Variants in ANKS1B observed in about 807,000 individuals in gnomAD.
ANKS1B encodes ankyrin repeat and sterile alpha motif domain-containing protein 1B.
Under a neutral mutation model 148.3 loss-of-function variants are expected in ANKS1B, and 36 were observed. The observed-to-expected ratio is 0.24, with a 90% confidence interval of 0.19 to 0.32. The LOEUF is 0.32. Ranked by LOEUF, ANKS1B falls within the 10% of genes least tolerant of loss-of-function variation. ANKS1B has a pLI of 1.00. For synonymous variants in ANKS1B, 542 were observed against 560.8 expected, an observed-to-expected ratio of 0.97 and a Z score of 0.47; for missense variants, 1,157 against 1,542.6, an observed-to-expected ratio of 0.75 and a Z score of 4.19.
At chr12:99,121,095 T>C (rs928020519) in intron 15 of ANKS1B, among the ~76,000 whole-genome samples, 1 of 136,846 alleles carries the variant, frequency 7.3e-6, no homozygotes, top group Non-Finnish European at 1.6e-5. Flanking sequence ...AAATTTAGAC[T>C]TTTTTTTTTT....
At chr12:99,438,331 T>C (rs1174937504) in intron 11 of ANKS1B, among the ~76,000 whole-genome samples, 1 of 151,894 alleles carries the variant, frequency 6.6e-6, no homozygotes, top group Non-Finnish European at 1.5e-5. Flanking sequence ...GTACTATCTC[T>C]CTTCATCATT....
chr12:99,080,674 T>G (rs2153614055), intron 16 of ANKS1B, among the ~76,000 whole-genome samples: 1 of 152,318 alleles, frequency 6.6e-6, no homozygotes, highest in Non-Finnish European at 1.5e-5. Flanking sequence ...CAGAAGCGTT[T>G]ATGCCCTTTT....
At chr12:98,944,355 C>A (rs1161570863) in intron 17 of ANKS1B, among the ~76,000 whole-genome samples, 2 of 151,220 alleles carry the variant, frequency 1.3e-5, no homozygotes, top group Non-Finnish European at 2.9e-5. Flanking sequence ...GACACGCTGG[C>A]TCCTTTTCAC....
At chr12:99,100,793 G>T (rs2057727028) in intron 15 of ANKS1B, among the ~76,000 whole-genome samples, 1 of 152,224 alleles carries the variant, frequency 6.6e-6, no homozygotes, top group African/African-American at 2.4e-5. Context: ...GACTCCTAAA[G>T]TGCTGGGATT....
chr12:99,648,845 A>T, intron 9 of ANKS1B: 2 of 1,537,244 alleles, frequency 1.3e-6, no homozygotes, highest in South Asian at 2.5e-5. Flanking sequence ...GAGCAGGTAC[A>T]GGTCCTGTAA....
intron 11 of ANKS1B, among the ~76,000 whole-genome samples, chr12:99,441,846 A>ATGTG (rs2095555474): frequency 6.6e-6 from 1 of 151,970 alleles, no homozygotes; most frequent in Non-Finnish European, 1.5e-5. Context: ...ACCTAAACTC[A>ATGTG]ATTAGAATAT....
chr12:99,710,240 A>G (rs1015792575), intron 8 of ANKS1B, among the ~76,000 whole-genome samples: 4 of 152,208 alleles, frequency 2.6e-5, no homozygotes, highest in Admixed American at 2.6e-4. Context: ...TCTTGACTTT[A>G]AACCATTAAT....
At chr12:99,430,500 A>C (rs1277434144) in intron 11 of ANKS1B, among the ~76,000 whole-genome samples, 2 of 152,214 alleles carry the variant, frequency 1.3e-5, no homozygotes, top group Non-Finnish European at 2.9e-5. Context: ...GACCAAATGA[A>C]ATACAAGTTA....
intron 9 of ANKS1B, among the ~76,000 whole-genome samples, chr12:99,547,011 C>T (rs1219442781): frequency 6.6e-6 from 1 of 152,090 alleles, no homozygotes; most frequent in Non-Finnish European, 1.5e-5. Flanking sequence ...GAGATCCCTA[C>T]AGCAGTGGGA....
At chr12:99,638,578 A>G (rs1238351909) in intron 9 of ANKS1B, among the ~76,000 whole-genome samples, 1 of 152,166 alleles carries the variant, frequency 6.6e-6, no homozygotes, top group Non-Finnish European at 1.5e-5. Flanking sequence ...TTCAAGAGGA[A>G]AGAGAGCATA....
chr12:99,176,935 AT>A (rs1383255893), intron 14 of ANKS1B, among the ~76,000 whole-genome samples: 2 of 152,114 alleles, frequency 1.3e-5, no homozygotes, highest in African/African-American at 4.8e-5. Context: ...ATAGTCTCAG[AT>A]GTTTCTTTAT....
chr12:99,335,575 C>T (rs1464628707), intron 12 of ANKS1B, among the ~76,000 whole-genome samples: 2 of 151,974 alleles, frequency 1.3e-5, no homozygotes, highest in African/African-American at 4.8e-5. Context: ...TTTTAGCTCC[C>T]ATAAATAAAT....
chr12:99,469,106 A>T (rs974926771), intron 10 of ANKS1B, among the ~76,000 whole-genome samples: 9 of 152,230 alleles, frequency 5.9e-5, no homozygotes, highest in African/African-American at 2.2e-4. Context: ...AATACTATGC[A>T]GACATAAAAA....
At chr12:99,524,253 T>C (rs1429594420) in intron 9 of ANKS1B, among the ~76,000 whole-genome samples, 1 of 152,114 alleles carries the variant, frequency 6.6e-6, no homozygotes, top group Non-Finnish European at 1.5e-5. Context: ...GAAGATACTT[T>C]AGGTGGGAGC....
chr12:99,910,105 G>A (rs2093946853), intron 1 of ANKS1B, among the ~76,000 whole-genome samples: 2 of 152,098 alleles, frequency 1.3e-5, no homozygotes, highest in Admixed American at 6.5e-5. Flanking sequence ...AGACGTGGTG[G>A]CTCACGCCTG....
chr12:99,103,843 A>G (rs577405222), intron 15 of ANKS1B, among the ~76,000 whole-genome samples: 1 of 152,346 alleles, frequency 6.6e-6, no homozygotes, highest in Admixed American at 6.5e-5. Flanking sequence ...CTAGATAGAG[A>G]TGAATACACA....
At chr12:99,561,968 T>C (rs1368850129) in intron 9 of ANKS1B, among the ~76,000 whole-genome samples, 1 of 152,334 alleles carries the variant, frequency 6.6e-6, no homozygotes, top group East Asian at 1.9e-4. Flanking sequence ...TTACATTATA[T>C]ATTTCATAAA....
chr12:98,736,334 G>T (rs925474563), intron 9 of ANKS1B, among the ~76,000 whole-genome samples: 1 of 152,198 alleles, frequency 6.6e-6, no homozygotes, highest in African/African-American at 2.4e-5. Flanking sequence ...GAAGATAAGA[G>T]TTAATAGGAT....
At chr12:99,811,602 T>C (rs769164357) in intron 3 of ANKS1B, among the ~76,000 whole-genome samples, 1 of 151,926 alleles carries the variant, frequency 6.6e-6, no homozygotes, top group Non-Finnish European at 1.5e-5. Flanking sequence ...AGAATCATAC[T>C]GCTGCTGTGT....
Sources: gnomAD v4.1 joint callset for allele counts (sites outside exome capture counted in the v4.1 genomes callset) on GRCh38, gnomAD v4.1.1 for gene constraint, MANE v1.5 for transcripts, NCBI Gene and HGNC (gene_info 2026-07-23, HGNC 2026-07-21) for gene names.